Variants in SPSB4 observed in about 807,000 individuals in gnomAD.
SPSB4 encodes the protein SPRY domain-containing SOCS box protein 4.
In SPSB4, 21 loss-of-function variants were observed where a neutral mutation model predicts 20.9. The ratio of observed to expected loss-of-function variants is 1.01; its 90% CI spans 0.71 to 1.45. SPSB4 has a LOEUF of 1.45. Ranked by LOEUF, SPSB4 falls within the 40% of genes most tolerant of loss-of-function variation. SPSB4 has a pLI of 0.00. For synonymous variants in SPSB4, 207 were observed against 183.8 expected, an observed-to-expected ratio of 1.13 and a Z score of -1.02; for missense variants, 399 against 399.2, an observed-to-expected ratio of 1.00 and a Z score of 0.00.
chr3:141,068,510 C>T (rs1283096537), intron 2 of SPSB4, among the ~76,000 whole-genome samples: 4 of 152,150 alleles, frequency 2.6e-5, no homozygotes, highest in African/African-American at 9.7e-5. Context: ...GAAGAGTGGC[C>T]TTGGTGTACC....
intron 2 of SPSB4, among the ~76,000 whole-genome samples, chr3:141,068,668 T>C (rs1937936210): frequency 6.6e-6 from 1 of 152,202 alleles, no homozygotes; most frequent in Non-Finnish European, 1.5e-5. Flanking sequence ...AGCTCTTGTG[T>C]GGTAGCACCA....
chr3:141,137,315 A>C (rs192856712), intron 2 of SPSB4, among the ~76,000 whole-genome samples: 3 of 152,128 alleles, frequency 2.0e-5, no homozygotes, highest in Non-Finnish European at 4.4e-5. Flanking sequence ...CTCTTTTCCT[A>C]ATTGAATGCC....
At chr3:141,052,168 T>A (rs745862112) in intron 1 of SPSB4, among the ~76,000 whole-genome samples, 176 bp downstream of exon 1, 24 of 152,196 alleles carry the variant, frequency 1.6e-4, no homozygotes, top group Non-Finnish European at 3.1e-4. Flanking sequence ...CGCGCAGCCC[T>A]GGGGCGTTTG....
intron 2 of SPSB4, among the ~76,000 whole-genome samples, chr3:141,097,982 A>G (rs1321443762): frequency 6.6e-6 from 1 of 152,208 alleles, no homozygotes; most frequent in Non-Finnish European, 1.5e-5. Flanking sequence ...GGCTCAGAGC[A>G]AATGCCAGAG....
chr3:141,099,462 T>C (rs984433149), intron 2 of SPSB4, among the ~76,000 whole-genome samples: 3 of 152,252 alleles, frequency 2.0e-5, no homozygotes, highest in Non-Finnish European at 2.9e-5. Flanking sequence ...ATAAGTAATA[T>C]TGCAAGGAAT....
chr3:141,146,913 T>C (rs1287759895), intron 2 of SPSB4, among the ~76,000 whole-genome samples: 1 of 152,130 alleles, frequency 6.6e-6, no homozygotes, highest in Non-Finnish European at 1.5e-5. Context: ...TCACCACCCA[T>C]TGAATTGATT....
intron 1 of SPSB4, among the ~76,000 whole-genome samples, chr3:141,053,766 G>A (rs192260569): frequency 4.7e-4 from 72 of 152,172 alleles, no homozygotes; most frequent in Non-Finnish European, 7.4e-4. Context: ...TTAGCAAGTA[G>A]TCATAACCAT....
At chr3:141,091,931 C>T (rs1938457154) in intron 2 of SPSB4, among the ~76,000 whole-genome samples, 2 of 152,316 alleles carry the variant, frequency 1.3e-5, no homozygotes, top group Non-Finnish European at 2.9e-5. Context: ...TCATTCCCTA[C>T]CAGCTCCCTT....
At chr3:141,108,843 G>A (rs1257313442) in intron 2 of SPSB4, among the ~76,000 whole-genome samples, 1 of 152,196 alleles carries the variant, frequency 6.6e-6, no homozygotes, top group Non-Finnish European at 1.5e-5. Flanking sequence ...AGATGGAGAA[G>A]ACCGAAAGCA....
chr3:141,052,511 C>A (rs1163041089), intron 1 of SPSB4, among the ~76,000 whole-genome samples: 2 of 152,204 alleles, frequency 1.3e-5, no homozygotes, highest in Admixed American at 1.3e-4. Flanking sequence ...CTTTCCGAAG[C>A]TGCAGCAGTT....
rs1308662330 is a variant in SPSB4 at position 141,105,772 on chromosome 3, T to C, written c.694+38974T>C. Among the ~76,000 whole-genome samples, 7 of 152,274 alleles carry C rather than the reference T, an allele frequency of 4.6e-5. No homozygotes were observed. In the South Asian group the frequency reaches 1.4e-3, roughly 31 times the overall value. ...TGTAAGTAATCATAATTCTTTTCTT[T>C]GCCTTCAAAGTTATAATAAAATAGA... On this transcript the variant is annotated intron_variant, in intron 2 of 2. Transcript: ENST00000310546.
At chr3:141,145,015 G>A (rs1020840859) in intron 2 of SPSB4, among the ~76,000 whole-genome samples, 5 of 152,108 alleles carry the variant, frequency 3.3e-5, no homozygotes, top group East Asian at 1.9e-4. Flanking sequence ...GTTGTCAAAT[G>A]TTGGCCTAGG....
chr3:141,104,828 G>A (rs564020621), intron 2 of SPSB4, among the ~76,000 whole-genome samples: 2 of 152,186 alleles, frequency 1.3e-5, no homozygotes, highest in Non-Finnish European at 2.9e-5. Context: ...AAAATAAAGC[G>A]TCACAGAATT....
chr3:141,120,163 T>G (rs1452019565), intron 2 of SPSB4, among the ~76,000 whole-genome samples: 1 of 152,264 alleles, frequency 6.6e-6, no homozygotes, highest in African/African-American at 2.4e-5. Context: ...TGCCTTCATT[T>G]CATTTATTTA....
At chr3:141,056,092 G>T (rs1937633533) in intron 1 of SPSB4, among the ~76,000 whole-genome samples, 1 of 152,188 alleles carries the variant, frequency 6.6e-6, no homozygotes, top group South Asian at 2.1e-4. Context: ...GAAGACATTG[G>T]AGCCAGGAGG....
At chr3:141,115,522 A>T (rs1938868585) in intron 2 of SPSB4, among the ~76,000 whole-genome samples, 1 of 152,208 alleles carries the variant, frequency 6.6e-6, no homozygotes, top group Admixed American at 6.5e-5. Context: ...CAGTTAGGTT[A>T]CCTGCCTGGC....
At chr3:141,072,820 C>T (rs1291103886) in intron 2 of SPSB4, among the ~76,000 whole-genome samples, 2 of 152,134 alleles carry the variant, frequency 1.3e-5, no homozygotes, top group Admixed American at 6.6e-5. Context: ...GCCCCCCATC[C>T]GCTCCTGCTG....
At chr3:141,112,372 G>A (rs558068868) in intron 2 of SPSB4, among the ~76,000 whole-genome samples, 6 of 152,264 alleles carry the variant, frequency 3.9e-5, no homozygotes, top group South Asian at 2.1e-4. Context: ...GAGGCCGGGC[G>A]CGGTGGCTCA....
At chr3:141,079,178 G>A (rs542594523) in intron 2 of SPSB4, among the ~76,000 whole-genome samples, 60 of 151,798 alleles carry the variant, frequency 4.0e-4, no homozygotes, top group African/African-American at 1.4e-3. Context: ...GGAGGATGGC[G>A]TGAACCCGGC....
Sources: allele counts gnomAD v4.1 joint callset (sites outside exome capture counted in the v4.1 genomes callset), GRCh38; gene constraint gnomAD v4.1.1; transcripts MANE v1.5; gene names NCBI Gene and HGNC (gene_info 2026-07-23, HGNC 2026-07-21).